The following SLFN11 variants were observed in gnomAD, a reference collection of about 807,000 sequenced individuals.
The protein encoded by SLFN11 is schlafen family member 11.
A neutral mutation model predicts 53.4 loss-of-function variants in SLFN11; 43 were observed. That is an observed-to-expected ratio of 0.80 (90% CI 0.63 to 1.04). The LOEUF is 1.04. Among genes scored for constraint, SLFN11 ranks in the 50% least tolerant of loss-of-function variants. The probability of loss-of-function intolerance (pLI) is 0.00; values close to 1 mark genes in which losing one functional copy is unlikely to be tolerated. For synonymous variants in SLFN11, 389 were observed against 394.7 expected, an observed-to-expected ratio of 0.99 and a Z score of 0.17; for missense variants, 990 against 1,079.1, an observed-to-expected ratio of 0.92 and a Z score of 1.16.
rs760443007 is a variant in SLFN11 at position 35,352,388 on chromosome 17, G to C, written c.2674C>G (p.His892Asp). 1.2e-5 allele frequency: 19 copies of C among 1,614,140 alleles called. No individual in the cohort carries two copies. Among genetic ancestry groups the C allele is most frequent in the Admixed American group, 1.2e-4 (7 of 60,014 alleles). Residue 892 changes from histidine (H) to aspartate (D), a missense_variant, in exon 7 of 7, where the codon CAC becomes GAC. This residue lies in a region of SLFN11 where 313 missense variants were observed against 320.9 expected (regional missense o/e 0.98). Coordinates refer to ENST00000685675, the MANE Select transcript of SLFN11 (RefSeq NM_001376007.1). ...CCACCCCACGGAAAAATATACAGGT[G>C]TTGTTTTGCCCTGGAAGCCAGACAG... ...LICLASRAKQ[H>D]LYIFPWGGH
rs781039695 is a variant in SLFN11 at position 35,352,983 on chromosome 17, AC to A, written c.2078del (p.Gly693ValfsTer38). ...KAKSITRRAK[G>X]GPGILWIFLD... ...GAAAGATCCAGAGAATTCCTGGGCC[AC>A]CCTTTGCTCTCCGAGTGATGCTTTT... On this transcript the variant is annotated frameshift_variant, in exon 7 of 7. Coordinates refer to ENST00000685675, the MANE Select transcript of SLFN11 (RefSeq NM_001376007.1). LOFTEE classifies it low-confidence loss of function (END_TRUNC). 2.5e-6 allele frequency: 4 copies of A among 1,614,128 alleles called. No homozygotes were observed. Among genetic ancestry groups the A allele is most frequent in the Non-Finnish European group, 8.5e-7 (1 of 1,180,018 alleles).
At chr17:35,367,960 C>A (rs998712399) in intron 1 of SLFN11, among the ~76,000 whole-genome samples, 2 of 152,050 alleles carry the variant, frequency 1.3e-5, no homozygotes, top group Non-Finnish European at 2.9e-5. Context: ...GGACAACCAC[C>A]CCCAAGCGAG....
chr17:35,353,966 A>AT lies in SLFN11; in HGVS notation c.1291dup (p.Met431AsnfsTer13). 6.2e-7 allele frequency: 1 copy of AT among 1,614,018 alleles called. No homozygotes were observed. Among genetic ancestry groups the AT allele is most frequent in the Non-Finnish European group, 8.5e-7 (1 of 1,180,008 alleles). On this transcript the variant is annotated frameshift_variant, in exon 6 of 7. Transcript: ENST00000685675. LOFTEE classifies it high-confidence loss of function. ...CAAAATTCCCCGAAAGAAAGGTTGC[A>AT]TTTGCTTATTTATTAACTCCTCTAG...
intron 5 of SLFN11, among the ~76,000 whole-genome samples, chr17:35,357,444 T>A (rs142649240): frequency 6.6e-6 from 1 of 151,986 alleles, no homozygotes; most frequent in East Asian, 1.9e-4. Context: ...CTAGAACTTT[T>A]CTGGCTTTTT....
In SLFN11 at chr17:35,360,321, C is replaced by T. The variant is rs1455212248; in HGVS notation, c.1120G>A (p.Gly374Arg). ...TACACTGGTCTGCTAAGGGGAGGCC[C>T]ACTAGATAGACTCAGCTGACATTCA... Reference protein sequence around the residue: ...DFECQLSLSSGPPLSRPVYSK... With the variant: ...DFECQLSLSSRPPLSRPVYSK... The change falls in exon 5 of 7, where the codon GGG becomes AGG. Residue 374 changes from glycine (G) to arginine (R), a missense_variant. By Grantham distance (125) the Gly-to-Arg change is moderately radical (BLOSUM62 -2). This residue lies in a region of SLFN11 where 521 missense variants were observed against 516.2 expected (regional missense o/e 1.01). Coordinates refer to ENST00000685675, the MANE Select transcript of SLFN11 (RefSeq NM_001376007.1). 6.2e-7 allele frequency: 1 copy of T among 1,609,766 alleles called. No individual in the cohort carries two copies. The highest frequency in any genetic ancestry group is 8.5e-7 in the Non-Finnish European group (1 of 1,178,676).
In SLFN11 at chr17:35,353,716, G is replaced by A; in HGVS notation, c.1542C>T (p.Val514=). 3.5e-6 allele frequency: 5 copies of A among 1,433,872 alleles called. No homozygotes were observed. The highest frequency in any genetic ancestry group is 3.7e-6 in the Non-Finnish European group (4 of 1,069,456). The allele number at this position is 1,433,872 out of a possible 1,614,324, so 88.8% of individuals were successfully genotyped here. A position where few individuals can be genotyped will look rare whatever the true frequency, so the allele number is the denominator to read the frequency against. The change falls in exon 6 of 7, where the codon GTC becomes GTT. Residue 514 remains valine (V), a synonymous_variant. Coordinates refer to ENST00000685675, the MANE Select transcript of SLFN11 (RefSeq NM_001376007.1). The part of the protein sequence containing the change: ...YTGKVCVRAK[V]LCLSPESSAE... ...CGCTGCTCTCAGGACTCAGGCAGAG[G>A]ACCTTGGCCCTGACACACACCTTCC...
Position 35,352,596 on chromosome 17 carries a change from A to G in SLFN11, c.2466T>C (p.Tyr822=), listed in dbSNP as rs774062472. 2 of 1,614,078 alleles carry G rather than the reference A, an allele frequency of 1.2e-6. No individual in the cohort carries two copies. Among genetic ancestry groups the G allele is most frequent in the African/African-American group, 2.7e-5 (2 of 74,918 alleles). ...LVSTAKEVEH[Y]KYELLKAMRK... is the part of the protein sequence containing the mutation. ...TCATTGCTTTCAAGAGCTCATACTT[A>G]TAGTGCTCCACTTCTTTTGCGGTGC... Residue 822 remains tyrosine (Y), a synonymous_variant, in exon 7 of 7, where the codon TAT becomes TAC. Coordinates refer to ENST00000685675, the MANE Select transcript of SLFN11 (RefSeq NM_001376007.1).
chr17:35,359,677 T>A (rs1247288972), intron 5 of SLFN11, among the ~76,000 whole-genome samples: 2 of 152,150 alleles, frequency 1.3e-5, no homozygotes, highest in African/African-American at 4.8e-5. Context: ...GCATAATCCA[T>A]CTCCATTTTA....
chr17:35,355,018 A>G (rs1907288682), intron 5 of SLFN11, among the ~76,000 whole-genome samples: 1 of 152,154 alleles, frequency 6.6e-6, no homozygotes, highest in Admixed American at 6.5e-5. Context: ...CAGATTTTAG[A>G]GATGTTAAAA....
chr17:35,369,040 C>T (rs1204667138), intron 1 of SLFN11, among the ~76,000 whole-genome samples: 1 of 152,020 alleles, frequency 6.6e-6, no homozygotes, highest in East Asian at 1.9e-4. Flanking sequence ...CTGCTGGCTT[C>T]AGGTGAGACT....
rs754619040 is a variant in SLFN11, at chr17:35,356,429, C to T, written c.1199-2370G>A. 3.3e-5 allele frequency among the ~76,000 whole-genome samples: 5 copies of T among 152,076 alleles called. 1 individual carries two copies. On this transcript the variant is annotated intron_variant, in intron 5 of 6. Coordinates refer to ENST00000685675, the MANE Select transcript of SLFN11 (RefSeq NM_001376007.1). ...ACTCCTACTCTCATTTTCTTAATTTCCTGCCTTCCCAATCTCACCCTTCTC... is the reference window on the plus strand; with the variant it reads ...ACTCCTACTCTCATTTTCTTAATTTTCTGCCTTCCCAATCTCACCCTTCTC...
At chr17:35,363,972 A>C in intron 3 of SLFN11, 146 bp from the exon 4 acceptor site, 1 of 632,876 alleles carries the variant, frequency 1.6e-6, no homozygotes, top group South Asian at 2.5e-5. Flanking sequence ...AATGGCTGGC[A>C]AGGAAGGGTG....
rs1330737024 is a variant in SLFN11, at chr17:35,367,049, G to C, written c.-122C>G. 1.0e-4 allele frequency: 15 copies of C among 147,776 alleles called. No homozygotes were observed. The highest frequency in any genetic ancestry group is 3.5e-4 in the African/African-American group (14 of 40,152). 9.2% of individuals were successfully genotyped at this position (147,776 alleles called of 1,614,324 possible). A position where few individuals can be genotyped will look rare whatever the true frequency, so the allele number is the denominator to read the frequency against. ...TCGTGCCACTGCACTCCAGCCTGGG[G>C]GTCAAAGTAAGAATCTGTCTCAAAA... is the stretch of plus-strand genomic sequence containing the variant. On this transcript the variant is annotated 5_prime_UTR_variant, in exon 3 of 7. Coordinates refer to ENST00000685675, the MANE Select transcript of SLFN11 (RefSeq NM_001376007.1).
At position 35,353,111 on chromosome 17, in the gene SLFN11, G is replaced by C; in HGVS notation, c.1951C>G (p.Arg651Gly). Residue 651 changes from arginine to glycine, a missense_variant, in exon 7 of 7, where the codon CGG becomes GGG. Transcript: ENST00000685675. ...AAGTTTTCTCTTAGGAAAGTTTTCC[G>C]GGTCTCTGCTCGGCAGATATTTCTA... ...SDRNICRAET[R>G]KTFLRENFEH... 6.2e-7 allele frequency: 1 copy of C among 1,613,904 alleles called. No homozygotes were observed. Among genetic ancestry groups the C allele is most frequent in the Non-Finnish European group, 8.5e-7 (1 of 1,179,960 alleles).
rs1440972148 is a variant in SLFN11 at position 35,352,489 on chromosome 17, G to C, written c.2573C>G (p.Ser858Ter). 6.2e-7 allele frequency: 1 copy of C among 1,614,066 alleles called. No individual in the cohort carries two copies. Among genetic ancestry groups the C allele is most frequent in the East Asian group, 2.2e-5 (1 of 44,896 alleles). Reference sequence around the variant, plus strand: ...AAACACTATGCTCCTTTCCAGGCCTGAGAATCGCCGAACACTGTCCAACAC... The same window carrying C: ...AAACACTATGCTCCTTTCCAGGCCTCAGAATCGCCGAACACTGTCCAACAC... ...HIVLDSVRRF[S>*]GLERSIVFGI... Residue 858 changes from serine (S) to a stop codon, truncating the protein, a stop_gained, in exon 7 of 7, where the codon TCA becomes TGA. Transcript: ENST00000685675. LOFTEE classifies it low-confidence loss of function (END_TRUNC).
At chr17:35,358,478 C>T (rs767025628) in intron 5 of SLFN11, among the ~76,000 whole-genome samples, 47 of 150,936 alleles carry the variant, frequency 3.1e-4, no homozygotes, top group Middle Eastern at 6.9e-3. Flanking sequence ...CTGTTTTGTT[C>T]CTGAATTTAA....
intron 1 of SLFN11, among the ~76,000 whole-genome samples, chr17:35,369,904 G>A (rs983524967): frequency 9.9e-5 from 15 of 152,050 alleles, no homozygotes; most frequent in East Asian, 7.7e-4. Context: ...TCTGGGACCC[G>A]ATGGCTTCAC....
In SLFN11 at chr17:35,361,986, A is replaced by T. The variant is rs887997913; in HGVS notation, c.1069+753T>A. ...CCTGCTCAGGTGATCCACCCACCTC[A>T]GCCTCCCAAAATGCTGGGATTAGAG... On this transcript the variant is annotated intron_variant, in intron 4 of 6. Transcript: ENST00000685675. Among the ~76,000 whole-genome samples the T allele has an allele frequency of 3.3e-5, 5 of 152,060 alleles. 1 individual carries two copies. The highest frequency in any genetic ancestry group is 9.7e-5 in the African/African-American group (4 of 41,436).
rs1448303774 is a variant in SLFN11, at chr17:35,362,777, G to A, written c.1031C>T (p.Thr344Ile). 1.9e-6 allele frequency: 3 copies of A among 1,593,414 alleles called. No homozygotes were observed. Among genetic ancestry groups the A allele is most frequent in the Non-Finnish European group, 2.6e-6 (3 of 1,170,328 alleles). Reference sequence around the variant, plus strand: ...TGTCATCATGCCTACCCATTTCTCGGTTGTCAGGCTGCAGACGTACTTGTC... The same window carrying A: ...TGTCATCATGCCTACCCATTTCTCGATTGTCAGGCTGCAGACGTACTTGTC... ...VEDKYVCSLT[T>I]EKWVGMMTDT... Residue 344 changes from threonine to isoleucine, a missense_variant, in exon 4 of 7, where the codon ACC becomes ATC. By Grantham distance (89) the Thr-to-Ile change is moderately conservative (BLOSUM62 -1). Around this residue, in one of 3 missense-constraint regions of SLFN11, gnomAD observed 521 missense variants for 516.2 expected, o/e 1.01. Transcript: ENST00000685675.
Sources: gnomAD v4.1 joint callset for allele counts (sites outside exome capture counted in the v4.1 genomes callset) on GRCh38, gnomAD v4.1.1 for gene constraint, gnomAD v4.1.1 regional missense constraint, MANE v1.5 for transcripts, NCBI Gene and HGNC (gene_info 2026-07-23, HGNC 2026-07-21) for gene names.